Variants in ATCAY observed in about 807,000 individuals in gnomAD.
ATCAY encodes the protein caytaxin.
A neutral mutation model predicts 47.7 loss-of-function variants in ATCAY; 22 were observed. That is an observed-to-expected ratio of 0.46 (90% CI 0.33 to 0.66). The LOEUF (loss-of-function observed/expected upper bound fraction) is 0.66. Ranked by LOEUF, ATCAY falls within the 30% of genes least tolerant of loss-of-function variation. ATCAY has a pLI of 0.02. For synonymous variants in ATCAY, 216 were observed against 207.6 expected (o/e 1.04, Z -0.35); for missense variants, 452 against 515.0 (o/e 0.88, Z 1.18).
chr19:3,924,257 A>ATGGATGGG (rs2039047305), intron 12 of ATCAY, among the ~76,000 whole-genome samples: 2 of 149,034 alleles, frequency 1.3e-5, no homozygotes, highest in African/African-American at 5.0e-5. Context: ...GGATGGATGG[A>ATGGATGGG]TGGATGGATG....
At chr19:3,916,307 T>C (rs887235696) in intron 9 of ATCAY, among the ~76,000 whole-genome samples, 4 of 152,142 alleles carry the variant, frequency 2.6e-5, no homozygotes, top group African/African-American at 7.2e-5. Context: ...CAATGGACAA[T>C]TGGGTTGTTT....
chr19:3,884,157 C>A (rs1215081063), intron 1 of ATCAY, among the ~76,000 whole-genome samples: 1 of 152,036 alleles, frequency 6.6e-6, no homozygotes, highest in African/African-American at 2.4e-5. Context: ...CATGATGGCA[C>A]ACACTCGTGG....
At position 3,907,156 on chromosome 19, in the gene ATCAY, A is replaced by G. The variant is rs923964695; in HGVS notation, c.359-578A>G. Among the ~76,000 whole-genome samples, 5 of 151,638 alleles carry G rather than the reference A, an allele frequency of 3.3e-5. No individual in the cohort carries two copies. The highest frequency in any genetic ancestry group is 1.2e-4 in the African/African-American group (5 of 41,254). ...CAAAAAAAAAAAAGAAAGAAAAAAA[A>G]AAATTAAGGACAATGTAGTGGCTCA... is the stretch of plus-strand genomic sequence containing the variant. On this transcript the variant is annotated intron_variant, in intron 4 of 12. Coordinates refer to ENST00000450849, the MANE Select transcript of ATCAY (RefSeq NM_033064.5). The surrounding 1 kb of genome is among the most constrained non-coding windows in gnomAD (Gnocchi z 5.1).
rs764697276 is a variant in ATCAY at position 3,890,247 on chromosome 19, A to ATTTTT, written c.77+4431_77+4435dup. The stretch of plus-strand genomic sequence containing the variant: ...GCCATTGGGCCCAGCTCCACCTATA[A>ATTTTT]TTTTTTTTTTTTTTTTTTTTTTTTT... On this transcript the variant is annotated intron_variant, in intron 2 of 12. Transcript: ENST00000450849. 2.7e-3 allele frequency among the ~76,000 whole-genome samples: 105 copies of ATTTTT among 38,586 alleles called. 16 individuals carry two copies. The highest frequency in any genetic ancestry group is 4.6e-3 in the African/African-American group (35 of 7,570). 25.3% of individuals were successfully genotyped at this position (38,586 alleles called of 152,430 possible). A position where few individuals can be genotyped will look rare whatever the true frequency, so the allele number is the denominator to read the frequency against.
intron 2 of ATCAY, among the ~76,000 whole-genome samples, chr19:3,896,375 C>A (rs2038770426): frequency 6.6e-6 from 1 of 151,526 alleles, no homozygotes; most frequent in Admixed American, 6.6e-5. Context: ...TCAAGCGATT[C>A]TCTTGCCTCA....
At chr19:3,883,307 ACT>A (rs1234946488) in intron 1 of ATCAY, among the ~76,000 whole-genome samples, 1 of 151,994 alleles carries the variant, frequency 6.6e-6, no homozygotes, top group Admixed American at 6.6e-5. Context: ...GCACCACTGC[ACT>A]CTAGCCTGGG....
At chr19:3,883,969 C>T (rs1251358831) in intron 1 of ATCAY, among the ~76,000 whole-genome samples, 1 of 152,052 alleles carries the variant, frequency 6.6e-6, no homozygotes, top group Non-Finnish European at 1.5e-5. Context: ...TGCCCCTGCC[C>T]CTGCCCCCAG....
At chr19:3,890,821 G>A (rs1218023049) in intron 2 of ATCAY, among the ~76,000 whole-genome samples, 1 of 152,192 alleles carries the variant, frequency 6.6e-6, no homozygotes, top group Non-Finnish European at 1.5e-5. Context: ...TTGCCAACAG[G>A]ACACTTCCTC....
At chr19:3,911,862 T>A (rs2038925056) in intron 8 of ATCAY, among the ~76,000 whole-genome samples, 1 of 152,128 alleles carries the variant, frequency 6.6e-6, no homozygotes, top group Non-Finnish European at 1.5e-5. Context: ...GCAGGCCCGA[T>A]TTTCAAGGAA....
chr19:3,923,435 AATGG>A (rs769573120), intron 12 of ATCAY, among the ~76,000 whole-genome samples: 18 of 151,748 alleles, frequency 1.2e-4, no homozygotes, highest in Non-Finnish European at 2.4e-4. Flanking sequence ...TAGGTGGATA[AATGG>A]ATGGATGGAT....
chr19:3,917,306 C>T lies in ATCAY; in HGVS notation c.966-436C>T, dbSNP rs144354710. On this transcript the variant is annotated intron_variant, in intron 9 of 12. Transcript: ENST00000450849. ...CCTGTCTAAAAAAAAGAGAAGAGGC[C>T]GGGCGCGGTGGTTCGCGCCTGTAAT... Among the ~76,000 whole-genome samples, 1,416 of 151,020 alleles carry T rather than the reference C, an allele frequency of 9.4e-3. 10 individuals are homozygous for T. Among genetic ancestry groups the T allele is most frequent in the Non-Finnish European group, 0.011 (744 of 67,802 alleles).
intron 12 of ATCAY, among the ~76,000 whole-genome samples, chr19:3,921,904 A>T (rs957677914): frequency 6.6e-6 from 1 of 151,684 alleles, no homozygotes; most frequent in Admixed American, 6.6e-5. Flanking sequence ...TTAAAAAAAA[A>T]AAAACAAAAA....
At chr19:3,886,903 C>T (rs886750880) in intron 2 of ATCAY, among the ~76,000 whole-genome samples, 11 of 151,500 alleles carry the variant, frequency 7.3e-5, no homozygotes, top group African/African-American at 1.7e-4. Context: ...TAGTAGAGAC[C>T]GGATTTCACC....
chr19:3,913,912 A>C, intron 9 of ATCAY, 56 bp downstream of exon 9: 1 of 1,492,170 alleles, frequency 6.7e-7, no homozygotes. Flanking sequence ...GCTGCTGATA[A>C]AGACACACCT....
At chr19:3,894,973 C>T (rs1777139091) in intron 2 of ATCAY, among the ~76,000 whole-genome samples, 1 of 130,248 alleles carries the variant, frequency 7.7e-6, no homozygotes, top group African/African-American at 2.8e-5. Flanking sequence ...AAAAAAAAAG[C>T]TGCCTCCTCA....
At position 3,907,647 on chromosome 19, in the gene ATCAY, G is replaced by A. The variant is rs2038874014; in HGVS notation, c.359-87G>A. ...ACTTGTGGGTCCCGGCAGCGAGGGA[G>A]GTGGGAGAGGGGAAGGAAGGCTGAG... On this transcript the variant is annotated intron_variant, in intron 4 of 12. Coordinates refer to ENST00000450849, the MANE Select transcript of ATCAY (RefSeq NM_033064.5). The surrounding 1 kb of genome is among the most constrained non-coding windows in gnomAD (Gnocchi z 5.1). 3.3e-6 allele frequency: 5 copies of A among 1,507,504 alleles called. No individual in the cohort carries two copies. The highest frequency in any genetic ancestry group is 2.0e-5 in the Admixed American group (1 of 50,708). 93.4% of individuals were successfully genotyped at this position (1,507,504 alleles called of 1,614,324 possible).
chr19:3,905,438 T>C lies in ATCAY; in HGVS notation c.141T>C (p.Pro47=). Residue 47 remains proline (P), a synonymous_variant, in exon 4 of 13, where the codon CCT becomes CCC. Transcript: ENST00000450849. The part of the protein sequence containing the change: ...LGSPVEDTSS[P]PNTLNFNGAH... The stretch of plus-strand genomic sequence containing the variant: ...ATTTTTCTCATTTCCCTGCAGCTCC[T>C]CCCAACACGCTAAATTTCAACGGAG... The C allele has an allele frequency of 6.2e-7, 1 of 1,606,022 alleles. No homozygotes were observed. Among genetic ancestry groups the C allele is most frequent in the Non-Finnish European group, 8.5e-7 (1 of 1,175,520 alleles).
At chr19:3,881,875 C>CA (rs1555765216) in intron 1 of ATCAY, among the ~76,000 whole-genome samples, 1 of 145,932 alleles carries the variant, frequency 6.9e-6, no homozygotes, top group African/African-American at 2.6e-5. Context: ...CGCCCCCCCC[C>CA]CGACCCCATA....
intron 4 of ATCAY, among the ~76,000 whole-genome samples, chr19:3,905,947 C>T (rs574640358): frequency 2.6e-5 from 4 of 152,022 alleles, no homozygotes; most frequent in Admixed American, 2.6e-4. Flanking sequence ...CCGAGGCGGG[C>T]AGATCACGAG....
Sources: gnomAD v4.1 joint callset for allele counts (sites outside exome capture counted in the v4.1 genomes callset) on GRCh38, gnomAD v4.1.1 for gene constraint, Gnocchi (gnomAD v3.1) non-coding constraint, MANE v1.5 for transcripts, NCBI Gene and HGNC (gene_info 2026-07-23, HGNC 2026-07-21) for gene names.